TTLL11: variants seen among roughly 807,000 people sequenced by gnomAD.
TTLL11 encodes the protein tubulin polyglutamylase TTLL11.
In TTLL11, 42 loss-of-function variants were observed where a neutral mutation model predicts 51.7. The observed-to-expected ratio is 0.81, with a 90% CI of 0.64 to 1.05. The LOEUF (loss-of-function observed/expected upper bound fraction) is 1.05. Ranked by LOEUF, TTLL11 falls within the 50% of genes least tolerant of loss-of-function variation. The probability of loss-of-function intolerance (pLI) is 0.00; values close to 1 mark genes in which losing one functional copy is unlikely to be tolerated. For missense variants in TTLL11, 799 were observed against 940.4 expected, an observed-to-expected ratio of 0.85 and a Z score of 1.97; for synonymous variants, 381 against 383.5, an observed-to-expected ratio of 0.99 and a Z score of 0.08.
rs1012309949 is a variant in TTLL11 at position 121,931,468 on chromosome 9, C to T, written c.1481+42541G>A. 7.9e-5 allele frequency among the ~76,000 whole-genome samples: 12 copies of T among 151,592 alleles called. No individual in the cohort carries two copies. In the East Asian group the frequency reaches 1.6e-3, roughly 20 times the overall value. The stretch of plus-strand genomic sequence containing the variant: ...TATAAGAAATATTCAAAAGGCCAGG[C>T]GTGGTGGCTTACACCTGTAATCCCA... On this transcript the variant is annotated intron_variant, in intron 6 of 8. Transcript: ENST00000321582.
intron 8 of TTLL11, among the ~76,000 whole-genome samples, chr9:121,854,332 A>G (rs1306275940): frequency 4.6e-5 from 7 of 152,180 alleles, no homozygotes; most frequent in Non-Finnish European, 1.0e-4. Flanking sequence ...GATAATAAAC[A>G]ATGCCATTCT....
rs1166211047 is a variant in TTLL11 at position 121,826,184 on chromosome 9, CTATATATA to C, written c.1841-3313_1841-3306del. ...TATATATATATATATAACCAGTAAC[CTATATATA>C]TATATATATATATATATATATATAT... On this transcript the variant is annotated intron_variant, in intron 8 of 8. Coordinates refer to ENST00000321582, the MANE Select transcript of TTLL11 (RefSeq NM_001139442.2). Among the ~76,000 whole-genome samples the C allele has an allele frequency of 5.3e-4, 27 of 51,120 alleles. 1 individual carries two copies. Among genetic ancestry groups the C allele is most frequent in the Admixed American group, 6.9e-4 (2 of 2,896 alleles). The allele number at this position is 51,120 out of a possible 152,430, so 33.5% of individuals were successfully genotyped here. A position where few individuals can be genotyped will look rare whatever the true frequency, so the allele number is the denominator to read the frequency against.
At chr9:122,091,714 T>C (rs920384320) in intron 1 of TTLL11, among the ~76,000 whole-genome samples, 1 of 152,198 alleles carries the variant, frequency 6.6e-6, no homozygotes, top group Non-Finnish European at 1.5e-5. Context: ...ACTGGCTGTG[T>C]CCACACTCAG....
intron 7 of TTLL11, among the ~76,000 whole-genome samples, chr9:121,869,693 C>T (rs918443422): frequency 8.5e-5 from 13 of 152,298 alleles, no homozygotes; most frequent in East Asian, 7.7e-4. Context: ...TTACCATACG[C>T]TAGATGTTTC....
intron 6 of TTLL11, among the ~76,000 whole-genome samples, chr9:121,898,891 G>A (rs1839645664): frequency 6.6e-6 from 1 of 152,206 alleles, no homozygotes; most frequent in Admixed American, 6.5e-5. Context: ...GGCAGGGAAG[G>A]AGCCATAAGC....
At chr9:122,081,024 G>A (rs891442697) in intron 1 of TTLL11, among the ~76,000 whole-genome samples, 1 of 152,156 alleles carries the variant, frequency 6.6e-6, no homozygotes, top group Non-Finnish European at 1.5e-5. Context: ...CATCTCAATG[G>A]TAGGACTATA....
chr9:121,949,663 G>A (rs35319211), intron 6 of TTLL11, among the ~76,000 whole-genome samples: 31,277 of 151,748 alleles, frequency 0.21, 3,354 homozygotes, highest in Middle Eastern at 0.24. Flanking sequence ...TACCATCTGC[G>A]TCACCCGGCT....
intron 6 of TTLL11, among the ~76,000 whole-genome samples, chr9:121,901,491 TA>T: frequency 6.6e-6 from 1 of 152,268 alleles, no homozygotes; most frequent in African/African-American, 2.4e-5. Flanking sequence ...AGCTTTGAAC[TA>T]AATTATAAGT....
chr9:121,855,980 C>T (rs905400206), intron 8 of TTLL11, among the ~76,000 whole-genome samples: 2 of 152,140 alleles, frequency 1.3e-5, no homozygotes, highest in African/African-American at 4.8e-5. Flanking sequence ...AACTGTATGT[C>T]ATATTCATTT....
In TTLL11 at chr9:121,995,520, G is replaced by A. The variant is rs537624882; in HGVS notation, c.694-5750C>T. The stretch of plus-strand genomic sequence containing the variant: ...AAAGGCGAGAGAGGAAAGGGTCATG[G>A]GTGAGCTCACGGTTTGGGACTTCAG... On this transcript the variant is annotated intron_variant, in intron 3 of 8. Transcript: ENST00000321582. This position sits in a 1 kb window ranked among gnomAD's most constrained non-coding sequence, Gnocchi z 4.4. 1.3e-5 allele frequency among the ~76,000 whole-genome samples: 2 copies of A among 152,116 alleles called. No homozygotes were observed. The highest frequency in any genetic ancestry group is 2.9e-5 in the Non-Finnish European group (2 of 68,012).
intron 8 of TTLL11, among the ~76,000 whole-genome samples, chr9:121,833,347 C>T (rs978901984): frequency 2.0e-5 from 3 of 152,168 alleles, no homozygotes; most frequent in East Asian, 3.9e-4. Context: ...GGATGGCCCA[C>T]CAGCTCCTTC....
chr9:121,992,588 G>A (rs1376688964), intron 3 of TTLL11, among the ~76,000 whole-genome samples: 2 of 152,244 alleles, frequency 1.3e-5, no homozygotes, highest in Non-Finnish European at 2.9e-5. Flanking sequence ...ATTGAATGAA[G>A]TATTCTGCAC....
chr9:121,872,057 C>T (rs759073077), intron 6 of TTLL11, among the ~76,000 whole-genome samples: 3 of 152,236 alleles, frequency 2.0e-5, no homozygotes, highest in African/African-American at 4.8e-5. Flanking sequence ...GTTAGGATGA[C>T]GTCTCGTGGT....
intron 7 of TTLL11, among the ~76,000 whole-genome samples, chr9:121,867,367 CA>C (rs1277015167): frequency 2.6e-5 from 4 of 152,144 alleles, no homozygotes; most frequent in Non-Finnish European, 5.9e-5. Context: ...TTGCCACAGC[CA>C]GCCTTCCCTC....
At chr9:121,855,824 C>T (rs1837800016) in intron 8 of TTLL11, among the ~76,000 whole-genome samples, 1 of 152,230 alleles carries the variant, frequency 6.6e-6, no homozygotes, top group African/African-American at 2.4e-5. Context: ...GTGCTAGGCC[C>T]TCAAGGATAC....
At chr9:121,852,969 T>C (rs1286892452) in intron 8 of TTLL11, among the ~76,000 whole-genome samples, 1 of 152,206 alleles carries the variant, frequency 6.6e-6, no homozygotes, top group African/African-American at 2.4e-5. Flanking sequence ...GGGCAAGCCA[T>C]GTTTATGTAT....
intron 6 of TTLL11, among the ~76,000 whole-genome samples, chr9:121,918,509 A>C (rs971136506): frequency 1.3e-5 from 2 of 152,172 alleles, no homozygotes; most frequent in Non-Finnish European, 2.9e-5. Context: ...AGATGGCATT[A>C]AGGACAAGGT....
At chr9:122,010,709 TG>T (rs1843770185) in intron 3 of TTLL11, among the ~76,000 whole-genome samples, 1 of 152,238 alleles carries the variant, frequency 6.6e-6, no homozygotes, top group African/African-American at 2.4e-5. Context: ...CATGGGCATT[TG>T]AATATTCCAT....
At chr9:121,830,917 G>A (rs1413890594) in intron 8 of TTLL11, among the ~76,000 whole-genome samples, 1 of 152,188 alleles carries the variant, frequency 6.6e-6, no homozygotes, top group East Asian at 1.9e-4. Context: ...CCAGTGGTAG[G>A]GGCACATGTG....
Sources: gnomAD v4.1 joint callset for allele counts (sites outside exome capture counted in the v4.1 genomes callset) on GRCh38, gnomAD v4.1.1 for gene constraint, Gnocchi (gnomAD v3.1) non-coding constraint, MANE v1.5 for transcripts, NCBI Gene and HGNC (gene_info 2026-07-23, HGNC 2026-07-21) for gene names.